The following RALGPS1 variants were observed in gnomAD, a reference collection of about 807,000 sequenced individuals.
RALGPS1 encodes the protein ras-specific guanine nucleotide-releasing factor RalGPS1.
A neutral mutation model predicts 78.8 loss-of-function variants in RALGPS1; 19 were observed. That is an observed-to-expected ratio of 0.24 (90% CI 0.17 to 0.35). RALGPS1 has a LOEUF of 0.35. Among genes scored for constraint, RALGPS1 ranks in the 10% least tolerant of loss-of-function variants. The pLI is 1.00. For synonymous variants in RALGPS1, 228 were observed against 256.3 expected (o/e 0.89, Z 1.06); for missense variants, 454 against 688.3 (o/e 0.66, Z 3.81).
intron 4 of RALGPS1, among the ~76,000 whole-genome samples, chr9:127,021,309 C>T (rs1175478007): frequency 1.3e-5 from 2 of 152,054 alleles, no homozygotes; most frequent in East Asian, 1.9e-4. Flanking sequence ...TGAGACCAGC[C>T]TGGCCAACAT....
At chr9:127,072,527 T>C (rs77763980) in intron 8 of RALGPS1, among the ~76,000 whole-genome samples, 1 of 152,238 alleles carries the variant, frequency 6.6e-6, no homozygotes, top group East Asian at 1.9e-4. Context: ...TTGACTATTA[T>C]GAGTAATGCT....
chr9:127,082,940 G>A (rs1051700628), intron 8 of RALGPS1, among the ~76,000 whole-genome samples: 2 of 152,140 alleles, frequency 1.3e-5, no homozygotes, highest in African/African-American at 4.8e-5. Flanking sequence ...TACCCAGGAA[G>A]AGGCCCATCT....
At chr9:126,947,065 C>T (rs901093196) in intron 1 of RALGPS1, among the ~76,000 whole-genome samples, 3 of 152,184 alleles carry the variant, frequency 2.0e-5, no homozygotes, top group African/African-American at 4.8e-5. Flanking sequence ...CTTTCCTGGT[C>T]TTCAGAGAAA....
intron 10 of RALGPS1, 68 bp from the exon 11 acceptor site, chr9:127,174,647 C>A: frequency 7.0e-7 from 1 of 1,426,650 alleles, no homozygotes; most frequent in East Asian, 2.3e-5. Flanking sequence ...TAGCTTTTCC[C>A]AGCCCCAAAC....
At chr9:127,162,038 C>T (rs1185835008) in intron 8 of RALGPS1, among the ~76,000 whole-genome samples, 1 of 152,230 alleles carries the variant, frequency 6.6e-6, no homozygotes, top group Non-Finnish European at 1.5e-5. Flanking sequence ...CATCACTTGA[C>T]TGGTGGTGGC....
At chr9:127,194,264 A>G (rs1451767612) in intron 11 of RALGPS1, among the ~76,000 whole-genome samples, 2 of 152,222 alleles carry the variant, frequency 1.3e-5, no homozygotes, top group Non-Finnish European at 2.9e-5. Context: ...TCAGTAACCT[A>G]TCCATGGTCC....
At chr9:127,047,704 A>G (rs1207074560) in intron 5 of RALGPS1, among the ~76,000 whole-genome samples, 1 of 151,950 alleles carries the variant, frequency 6.6e-6, no homozygotes, top group Admixed American at 6.5e-5. Flanking sequence ...CTCTCAAAAA[A>G]AAAAAAAAAG....
At chr9:127,083,659 G>T (rs936696711) in intron 8 of RALGPS1, among the ~76,000 whole-genome samples, 1 of 152,202 alleles carries the variant, frequency 6.6e-6, no homozygotes, top group Non-Finnish European at 1.5e-5. Flanking sequence ...TCAATCAGGT[G>T]TAAGAAGAAA....
intron 8 of RALGPS1, among the ~76,000 whole-genome samples, chr9:127,121,642 T>A (rs1331768431): frequency 2.0e-5 from 3 of 152,180 alleles, no homozygotes; most frequent in African/African-American, 7.2e-5. Flanking sequence ...TGCTGTCCCC[T>A]TGCGGGGGTA....
chr9:127,108,534 C>G, intron 8 of RALGPS1: 1 of 1,613,276 alleles, frequency 6.2e-7, no homozygotes, highest in Non-Finnish European at 8.5e-7. Flanking sequence ...AGATGGCACC[C>G]GTGACCCGCT....
chr9:126,980,156 A>G (rs2041108257), intron 4 of RALGPS1, among the ~76,000 whole-genome samples: 2 of 152,296 alleles, frequency 1.3e-5, no homozygotes, highest in Non-Finnish European at 2.9e-5. Flanking sequence ...TGCTGATGTT[A>G]TTATCATTAG....
At chr9:126,958,621 G>A (rs115428441) in intron 1 of RALGPS1, among the ~76,000 whole-genome samples, 1 of 152,222 alleles carries the variant, frequency 6.6e-6, no homozygotes, top group Non-Finnish European at 1.5e-5. Flanking sequence ...GCTGGATAGT[G>A]CTCCATCCTG....
At chr9:127,082,454 G>A (rs1564542178) in intron 8 of RALGPS1, among the ~76,000 whole-genome samples, 1 of 149,700 alleles carries the variant, frequency 6.7e-6, no homozygotes, top group Non-Finnish European at 1.5e-5. Flanking sequence ...CTGCTGCATA[G>A]GCAGGCTGGC....
intron 8 of RALGPS1, among the ~76,000 whole-genome samples, chr9:127,137,339 G>A (rs1215285451): frequency 6.6e-6 from 1 of 152,236 alleles, no homozygotes; most frequent in Admixed American, 6.5e-5. Flanking sequence ...GAAGCCAGGG[G>A]AGAGAGAATC....
Position 127,015,582 on chromosome 9 carries a change from C to T in RALGPS1, c.217-18849C>T, listed in dbSNP as rs140833321. Among the ~76,000 whole-genome samples the T allele has an allele frequency of 3.3e-3, 505 of 152,256 alleles. 1 individual carries two copies. The highest frequency in any genetic ancestry group is 8.5e-3 in the South Asian group (41 of 4,820). On this transcript the variant is annotated intron_variant, in intron 4 of 18. Transcript: ENST00000259351. ...CAGTGTGTTCCCACTGTATTCTCGT[C>T]CTGCCTGGTGAGATTTGGGGCTACA...
chr9:127,218,604 T>G lies in RALGPS1; in HGVS notation c.1645-136T>G. On this transcript the variant is annotated intron_variant, in intron 18 of 18. Transcript: ENST00000259351. The surrounding 1 kb of genome is among the most constrained non-coding windows in gnomAD (Gnocchi z 4.4). ...CTTCACATGGGGTGGCTATTGTTAT[T>G]GCCATACCCTCTCCCTACCCAACCT... 2 of 872,682 alleles carry G rather than the reference T, an allele frequency of 2.3e-6. No homozygotes were observed. Among genetic ancestry groups the G allele is most frequent in the Non-Finnish European group, 3.9e-6 (2 of 513,632 alleles). The allele number at this position is 872,682 out of a possible 1,614,324, so 54.1% of individuals were successfully genotyped here.
chr9:127,204,965 C>G (rs1003447148), intron 14 of RALGPS1, among the ~76,000 whole-genome samples: 1 of 152,328 alleles, frequency 6.6e-6, no homozygotes, highest in Non-Finnish European at 1.5e-5. Context: ...GCTCTGGAGG[C>G]GATCCCGCAG....
chr9:126,989,426 G>A (rs2042087371), intron 4 of RALGPS1, among the ~76,000 whole-genome samples: 1 of 152,244 alleles, frequency 6.6e-6, no homozygotes, highest in Non-Finnish European at 1.5e-5. Flanking sequence ...CAGCAGCGTG[G>A]AGGGGAAGTA....
At chr9:127,124,734 A>G (rs138666590) in intron 8 of RALGPS1, among the ~76,000 whole-genome samples, 1 of 152,208 alleles carries the variant, frequency 6.6e-6, no homozygotes, top group East Asian at 1.9e-4. Context: ...TTCCAAAGAC[A>G]GTAAGGAGCC....
Sources: allele counts gnomAD v4.1 joint callset (sites outside exome capture counted in the v4.1 genomes callset), GRCh38; gene constraint gnomAD v4.1.1; non-coding constraint Gnocchi (gnomAD v3.1); transcripts MANE v1.5; gene names NCBI Gene and HGNC (gene_info 2026-07-23, HGNC 2026-07-21).